Variants in TENM1 observed in about 807,000 individuals in gnomAD.
TENM1 encodes teneurin transmembrane protein 1.
Under a neutral mutation model 174.8 loss-of-function variants are expected in TENM1, and 35 were observed. That is an observed-to-expected ratio of 0.20 (90% CI 0.15 to 0.27). The LOEUF is 0.27. Among genes scored for constraint, TENM1 ranks in the 10% least tolerant of loss-of-function variants. The probability of loss-of-function intolerance (pLI) is 1.00; values close to 1 mark genes in which losing one functional copy is unlikely to be tolerated. For synonymous variants in TENM1, 781 were observed against 798.7 expected, an observed-to-expected ratio of 0.98 and a Z score of 0.37; for missense variants, 1,633 against 2,130.1, an observed-to-expected ratio of 0.77 and a Z score of 4.59.
At chrX:124,667,568 C>T (rs1240569124) in intron 6 of TENM1, among the ~76,000 whole-genome samples, 6 of 101,154 alleles carry the variant, frequency 5.9e-5, no homozygotes, top group East Asian at 3.0e-4. Flanking sequence ...CCAACCTGGG[C>T]GACAGAGTGA....
chrX:125,069,202 T>C, the TENM1 span, among the ~76,000 whole-genome samples: 993 of 111,675 alleles, frequency 8.9e-3, 10 homozygotes, highest in African/African-American at 0.03. Flanking sequence ...GTTTCCATCT[T>C]TATATTCATG....
At position 124,422,390 on chromosome X, in the gene TENM1, T is replaced by C. The variant is rs377039254; in HGVS notation, c.4353A>G (p.Thr1451=). Reference sequence around the variant, plus strand: ...GAATGCGGTTTACTTTCCTCTCGTCTGTTTCAGCTATGAAGAGCAGCCCGC... The same window carrying C: ...GAATGCGGTTTACTTTCCTCTCGTCCGTTTCAGCTATGAAGAGCAGCCCGC... The change falls in exon 24 of 32, where the codon ACA becomes ACG. Residue 1451 remains threonine, a synonymous_variant. Transcript: ENST00000422452. 8.3e-6 allele frequency: 10 copies of C among 1,209,856 alleles called. No individual in the cohort carries two copies. In the African/African-American group the frequency reaches 1.8e-4, roughly 21 times the overall value.
chrX:125,051,902 C>T, the TENM1 span, among the ~76,000 whole-genome samples: 1 of 106,693 alleles, frequency 9.4e-6, no homozygotes, highest in South Asian at 4.2e-4. Flanking sequence ...TCAGAGTGAA[C>T]AGGCAACCTA....
At chrX:124,704,939 AC>A (rs2148493700) in intron 5 of TENM1, 73 bp downstream of exon 8, 4 of 795,841 alleles carry the variant, frequency 5.0e-6, no homozygotes, top group African/African-American at 2.1e-5. Context: ...CGAGAGAAAA[AC>A]CCCCCATTCC....
chrX:124,657,471 G>T (rs1197827436), intron 6 of TENM1, among the ~76,000 whole-genome samples: 1 of 111,159 alleles, frequency 9.0e-6, no homozygotes, highest in Non-Finnish European at 1.9e-5. Flanking sequence ...GCCTGGAATT[G>T]GTGACAGACA....
At chrX:125,091,303 T>G in the TENM1 span, among the ~76,000 whole-genome samples, 1 of 111,923 alleles carries the variant, frequency 8.9e-6, no homozygotes, top group Admixed American at 9.5e-5. Context: ...TCCATTTTCA[T>G]GATGAGATTT....
chrX:124,533,643 C>T (rs921677061), intron 15 of TENM1, among the ~76,000 whole-genome samples: 12 of 111,672 alleles, frequency 1.1e-4, no homozygotes, highest in Admixed American at 9.5e-5. Context: ...AGTTTTGGTC[C>T]TTAAAAATTT....
chrX:125,056,217 A>T, the TENM1 span, among the ~76,000 whole-genome samples: 1 of 111,756 alleles, frequency 8.9e-6, no homozygotes, highest in Non-Finnish European at 1.9e-5. Context: ...AAAGCCAGTG[A>T]AAATATAAGC....
intron 3 of TENM1, among the ~76,000 whole-genome samples, chrX:124,871,798 C>A (rs1261346869): frequency 9.0e-6 from 1 of 110,517 alleles, no homozygotes; most frequent in African/African-American, 3.3e-5. Flanking sequence ...CTTTGGGAGG[C>A]TGAGGCAGGC....
intron 22 of TENM1, among the ~76,000 whole-genome samples, chrX:124,477,087 C>T (rs7885450): frequency 0.089 from 9,934 of 111,801 alleles, 376 homozygotes; most frequent in Middle Eastern, 0.13. Flanking sequence ...TATTTGGGGA[C>T]GCTTCCATTT....
chrX:125,038,879 G>A, the TENM1 span, among the ~76,000 whole-genome samples: 1 of 111,695 alleles, frequency 9.0e-6, no homozygotes, highest in Non-Finnish European at 1.9e-5. Flanking sequence ...AAGAACTATT[G>A]TTTAATATTC....
intron 15 of TENM1, among the ~76,000 whole-genome samples, chrX:124,532,089 G>A (rs775255007): frequency 2.2e-4 from 24 of 111,594 alleles, no homozygotes; most frequent in East Asian, 5.6e-4. Flanking sequence ...TGCTTTGGGA[G>A]TATGGTGGGG....
chrX:124,642,427 G>C (rs1244770879), intron 10 of TENM1, among the ~76,000 whole-genome samples: 2 of 112,490 alleles, frequency 1.8e-5, no homozygotes, highest in African/African-American at 6.5e-5. Context: ...GTCTAGAGGA[G>C]TTTATATAAA....
At chrX:125,196,799 T>A in the TENM1 span, among the ~76,000 whole-genome samples, 5 of 111,958 alleles carry the variant, frequency 4.5e-5, no homozygotes, top group African/African-American at 1.6e-4. Flanking sequence ...TCAATAACTT[T>A]CCTGAATTAA....
At chrX:124,606,665 G>C (rs1419896607) in intron 11 of TENM1, among the ~76,000 whole-genome samples, 5 of 111,474 alleles carry the variant, frequency 4.5e-5, no homozygotes, top group South Asian at 3.7e-4. Context: ...AGGACAGTAA[G>C]ATAAGCTGCA....
exon 32 of TENM1, chrX:124,381,012 C>T (rs867286210): frequency 8.3e-7 from 1 of 1,211,788 alleles, no homozygotes; most frequent in Non-Finnish European, 1.1e-6. Context: ...TCCCTCCCCT[C>T]TATGGTAAAA....
intron 1 of TENM1, among the ~76,000 whole-genome samples, chrX:124,914,068 T>C (rs773843063): frequency 6.3e-5 from 7 of 111,963 alleles, no homozygotes; most frequent in African/African-American, 2.3e-4. Context: ...AGAGGTGAAG[T>C]CAAAATTCAA....
intron 10 of TENM1, among the ~76,000 whole-genome samples, chrX:124,643,132 A>G (rs774953890): frequency 1.6e-4 from 18 of 112,196 alleles, no homozygotes; most frequent in African/African-American, 4.2e-4. Context: ...ATTTGAAGAG[A>G]GAGGGAAAGT....
the TENM1 span, among the ~76,000 whole-genome samples, chrX:125,159,254 C>T: frequency 8.9e-6 from 1 of 112,168 alleles, no homozygotes; most frequent in African/African-American, 3.2e-5. Flanking sequence ...TCCCTTGGAA[C>T]GCTCAGACTG....
Sources: gnomAD v4.1 joint callset for allele counts (sites outside exome capture counted in the v4.1 genomes callset) on GRCh38, gnomAD v4.1.1 for gene constraint, MANE v1.5 for transcripts, NCBI Gene and HGNC (gene_info 2026-07-23, HGNC 2026-07-21) for gene names.